CTNNA3: variants seen among roughly 807,000 people sequenced by gnomAD.
CTNNA3 encodes the protein catenin alpha-3.
Under a neutral mutation model 95.7 loss-of-function variants are expected in CTNNA3, and 76 were observed. The observed-to-expected ratio is 0.79, with a 90% confidence interval of 0.66 to 0.96. CTNNA3 has a LOEUF of 0.96. CTNNA3 is among the 40% of genes least tolerant of loss of function. The probability of loss-of-function intolerance (pLI) is 0.00; values close to 1 mark genes in which losing one functional copy is unlikely to be tolerated. For missense variants in CTNNA3, 1,191 were observed against 1,089.8 expected, an observed-to-expected ratio of 1.09 and a Z score of -1.31; for synonymous variants, 431 against 374.4, an observed-to-expected ratio of 1.15 and a Z score of -1.74.
chr10:66,322,052 C>G (rs2092194503), intron 12 of CTNNA3, among the ~76,000 whole-genome samples: 1 of 152,106 alleles, frequency 6.6e-6, no homozygotes, highest in South Asian at 2.1e-4. Context: ...AGGTGAAGCT[C>G]TGCTGGTAGA....
chr10:67,689,955 T>C (rs1298143440), intron 1 of CTNNA3, among the ~76,000 whole-genome samples: 1 of 152,196 alleles, frequency 6.6e-6, no homozygotes, highest in Non-Finnish European at 1.5e-5. Flanking sequence ...GAGAGTCCCA[T>C]CTGGGTTGCC....
chr10:67,122,852 A>G (rs1194421758), intron 7 of CTNNA3, among the ~76,000 whole-genome samples: 2 of 152,138 alleles, frequency 1.3e-5, no homozygotes, highest in Non-Finnish European at 2.9e-5. Context: ...ATATCTTACC[A>G]TCAATATTCC....
intron 12 of CTNNA3, among the ~76,000 whole-genome samples, chr10:66,305,427 T>C (rs1046577480): frequency 6.6e-6 from 1 of 151,598 alleles, no homozygotes; most frequent in Non-Finnish European, 1.5e-5. Context: ...GTCAACCCTA[T>C]TTTCTCAAGT....
chr10:66,851,508 G>A (rs1260927397), intron 7 of CTNNA3, among the ~76,000 whole-genome samples: 3 of 151,994 alleles, frequency 2.0e-5, no homozygotes, highest in Non-Finnish European at 4.4e-5. Flanking sequence ...GTTGGATCAG[G>A]GGGGTGGTTT....
At chr10:66,912,046 G>A (rs1293978812) in intron 7 of CTNNA3, among the ~76,000 whole-genome samples, 1 of 152,096 alleles carries the variant, frequency 6.6e-6, no homozygotes, top group Non-Finnish European at 1.5e-5. Context: ...CTCAAATATA[G>A]CCAATGAAGA....
chr10:66,442,391 A>T (rs766414128), intron 11 of CTNNA3, among the ~76,000 whole-genome samples: 4 of 152,156 alleles, frequency 2.6e-5, no homozygotes, highest in Non-Finnish European at 5.9e-5. Context: ...TCTTGACCTC[A>T]AGCTTTTTAA....
At chr10:66,616,808 G>T (rs1437885432) in intron 10 of CTNNA3, among the ~76,000 whole-genome samples, 1 of 151,848 alleles carries the variant, frequency 6.6e-6, no homozygotes, top group Admixed American at 6.6e-5. Flanking sequence ...CTCATCTTTG[G>T]TCAGTATCTA....
intron 7 of CTNNA3, chr10:66,926,948 G>T: frequency 6.2e-7 from 1 of 1,604,772 alleles, no homozygotes; most frequent in Non-Finnish European, 8.5e-7. Context: ...CTACTGAGCG[G>T]ATCAGCTGTA....
At chr10:66,847,679 T>C (rs1168690110) in intron 7 of CTNNA3, among the ~76,000 whole-genome samples, 1 of 152,170 alleles carries the variant, frequency 6.6e-6, no homozygotes, top group Non-Finnish European at 1.5e-5. Context: ...TTTTCTTATT[T>C]ATTTACCTTA....
At chr10:66,487,618 G>T (rs1288537957) in intron 11 of CTNNA3, among the ~76,000 whole-genome samples, 1 of 152,074 alleles carries the variant, frequency 6.6e-6, no homozygotes, top group Admixed American at 6.6e-5. Context: ...TAATTTGATT[G>T]TGGTAATCAG....
intron 7 of CTNNA3, among the ~76,000 whole-genome samples, chr10:66,817,603 G>A (rs1479863174): frequency 6.6e-6 from 1 of 151,910 alleles, no homozygotes; most frequent in Non-Finnish European, 1.5e-5. Context: ...GCTACACTCA[G>A]GGAGCAACAG....
intron 7 of CTNNA3, among the ~76,000 whole-genome samples, chr10:66,939,102 A>C (rs2132672143): frequency 6.6e-6 from 1 of 152,262 alleles, no homozygotes; most frequent in Middle Eastern, 3.4e-3. Flanking sequence ...CTCTGATTTT[A>C]CGCGTTTCCA....
At chr10:66,559,920 T>G (rs1842501659) in intron 10 of CTNNA3, among the ~76,000 whole-genome samples, 1 of 152,100 alleles carries the variant, frequency 6.6e-6, no homozygotes, top group African/African-American at 2.4e-5. Context: ...CTGTCTCCAC[T>G]TCTACATCAT....
At chr10:66,616,707 CA>C in intron 10 of CTNNA3, among the ~76,000 whole-genome samples, 1 of 152,098 alleles carries the variant, frequency 6.6e-6, no homozygotes. Flanking sequence ...TTGTACTTAA[CA>C]AATAGAAACT....
intron 9 of CTNNA3, among the ~76,000 whole-genome samples, chr10:66,649,764 T>C (rs761489259): frequency 6.6e-6 from 1 of 152,174 alleles, no homozygotes; most frequent in Non-Finnish European, 1.5e-5. Context: ...AGCCCCAGTA[T>C]CAGGCAAGCC....
intron 13 of CTNNA3, among the ~76,000 whole-genome samples, chr10:66,190,622 G>A (rs762635295): frequency 6.6e-6 from 1 of 152,106 alleles, no homozygotes; most frequent in Non-Finnish European, 1.5e-5. Flanking sequence ...AGCAAAATGT[G>A]AGTTTGAATC....
intron 9 of CTNNA3, among the ~76,000 whole-genome samples, chr10:66,755,086 G>C (rs1360279431): frequency 6.6e-6 from 1 of 152,080 alleles, no homozygotes; most frequent in Non-Finnish European, 1.5e-5. Flanking sequence ...TATGAACAGA[G>C]AATGAAATGC....
At chr10:67,408,882 C>CAAAAAAAAAAAA (rs766212790) in intron 5 of CTNNA3, among the ~76,000 whole-genome samples, 3 of 97,210 alleles carry the variant, frequency 3.1e-5, no homozygotes, top group Admixed American at 1.3e-4. Flanking sequence ...CTTAAATTTA[C>CAAAAAAAAAAAA]AAAAAAAAAA....
intron 12 of CTNNA3, among the ~76,000 whole-genome samples, chr10:66,318,967 C>CTTA (rs1303881785): frequency 1.3e-5 from 2 of 151,612 alleles, no homozygotes; most frequent in Non-Finnish European, 2.9e-5. Flanking sequence ...AGCACTCGTT[C>CTTA]ACGCATTGCA....
Sources: allele counts gnomAD v4.1 joint callset (sites outside exome capture counted in the v4.1 genomes callset), GRCh38; gene constraint gnomAD v4.1.1; transcripts MANE v1.5; gene names NCBI Gene and HGNC (gene_info 2026-07-23, HGNC 2026-07-21).